Variants in ALDH1L2 observed in about 807,000 individuals in gnomAD.
The protein encoded by ALDH1L2 is aldehyde dehydrogenase 1 family member L2.
ALDH1L2 carries 91 observed loss-of-function variants against 111.0 expected under a neutral mutation model. That is an observed-to-expected ratio of 0.82 (90% CI 0.69 to 0.98). The LOEUF (loss-of-function observed/expected upper bound fraction) is 0.98, where lower values mean the gene tolerates loss of function less well. Among genes scored for constraint, ALDH1L2 ranks in the 50% least tolerant of loss-of-function variants. ALDH1L2 has a pLI of 0.00. For missense variants in ALDH1L2, 995 were observed against 1,126.8 expected (o/e 0.88, Z 1.67); for synonymous variants, 374 against 392.6 (o/e 0.95, Z 0.56).
rs1168860142 is a variant in ALDH1L2, at chr12:105,022,978, T to G, written c.*1446A>C. On this transcript the variant is annotated 3_prime_UTR_variant, in exon 23 of 23. Transcript: ENST00000258494. ...TTTCTGGCTATCTTTTGGAGACTCA[T>G]GTGATTCAGAAATTTGCCGCCTTCT... The G allele has an allele frequency of 6.6e-6, 1 of 152,232 alleles. No homozygotes were observed. Among genetic ancestry groups the G allele is most frequent in the African/African-American group, 2.4e-5 (1 of 41,454 alleles). 9.4% of individuals were successfully genotyped at this position (152,232 alleles called of 1,614,324 possible).
chr12:105,067,142 G>A (rs938634523), intron 4 of ALDH1L2, among the ~76,000 whole-genome samples: 10 of 150,232 alleles, frequency 6.7e-5, no homozygotes, highest in Non-Finnish European at 1.2e-4. Flanking sequence ...CGTGAACCCG[G>A]GAGGCAGAGC....
chr12:105,029,626 C>G (rs1183252250), intron 21 of ALDH1L2, among the ~76,000 whole-genome samples: 1 of 152,078 alleles, frequency 6.6e-6, no homozygotes, highest in Non-Finnish European at 1.5e-5. Context: ...CTCACTACAC[C>G]TTATAGTCCC....
chr12:105,045,569 A>G (rs1001712325), intron 15 of ALDH1L2, among the ~76,000 whole-genome samples: 2 of 152,132 alleles, frequency 1.3e-5, no homozygotes, highest in African/African-American at 4.8e-5. Flanking sequence ...ATAGATAACA[A>G]TCACATTGGT....
At chr12:105,034,428 A>T in intron 18 of ALDH1L2, 30 bp from the exon 19 acceptor site, 1 of 1,586,106 alleles carries the variant, frequency 6.3e-7, no homozygotes, top group Non-Finnish European at 8.6e-7. Flanking sequence ...AATATTGCTA[A>T]CATCATTTGA....
chr12:105,033,383 A>T (rs185089688), intron 19 of ALDH1L2, among the ~76,000 whole-genome samples: 1 of 152,198 alleles, frequency 6.6e-6, no homozygotes, highest in Non-Finnish European at 1.5e-5. Context: ...AGCACTGCAG[A>T]CTGTCTTTCA....
intron 3 of ALDH1L2, 161 bp downstream of exon 3, chr12:105,070,409 A>C: frequency 1.6e-6 from 1 of 628,036 alleles, no homozygotes; most frequent in South Asian, 2.0e-5. Context: ...CCCTCTGTGT[A>C]ATTAAAAAAG....
chr12:105,064,577 G>T (rs921686581), intron 6 of ALDH1L2, among the ~76,000 whole-genome samples: 1 of 152,178 alleles, frequency 6.6e-6, no homozygotes, highest in Non-Finnish European at 1.5e-5. Flanking sequence ...CCCCTAAGGA[G>T]TTCACAGTCT....
chr12:105,084,275 G>A (rs1878482390), intron 1 of ALDH1L2, 114 bp downstream of exon 1: 4 of 1,212,290 alleles, frequency 3.3e-6, no homozygotes, highest in Non-Finnish European at 4.4e-6. Context: ...TTGGTGTTTA[G>A]CAAAGTCTAA....
chr12:105,030,350 A>C lies in ALDH1L2; in HGVS notation c.2490T>G (p.Ile830Met), dbSNP rs79945575. ...YLAKEESFGP[I>M]MVISKFQNGD... ...CATTTTGGAATTTAGAAATGACCAT[A>C]ATAGGCCCAAAGGATTCCTCTTTGG... Residue 830 changes from isoleucine (I) to methionine (M), a missense_variant, in exon 21 of 23, where the codon ATT becomes ATG. Coordinates refer to ENST00000258494, the MANE Select transcript of ALDH1L2 (RefSeq NM_001034173.4). 1.2e-4 allele frequency: 189 copies of C among 1,612,760 alleles called. No homozygotes were observed. Among genetic ancestry groups the C allele is most frequent in the Non-Finnish European group, 1.6e-4 (185 of 1,179,332 alleles).
intron 18 of ALDH1L2, 121 bp downstream of exon 18, chr12:105,037,982 G>A (rs899052463): frequency 1.1e-5 from 8 of 707,986 alleles, no homozygotes; most frequent in African/African-American, 5.4e-5. Flanking sequence ...GGTCAGGCTC[G>A]TCTTGAACTC....
chr12:105,041,444 G>C (rs2136062622), intron 15 of ALDH1L2, among the ~76,000 whole-genome samples: 1 of 152,358 alleles, frequency 6.6e-6, no homozygotes, highest in South Asian at 2.1e-4. Context: ...CTGTAGAATA[G>C]TTCCAATACT....
rs1440429880 is a variant in ALDH1L2, at chr12:105,036,443, A to T, written c.2145+1660T>A. 1.8e-5 allele frequency among the ~76,000 whole-genome samples: 2 copies of T among 109,382 alleles called. 1 individual carries two copies. The highest frequency in any genetic ancestry group is 3.6e-5 in the Non-Finnish European group (2 of 55,100). The allele number at this position is 109,382 out of a possible 152,430, so 71.8% of individuals were successfully genotyped here. A position where few individuals can be genotyped will look rare whatever the true frequency, so the allele number is the denominator to read the frequency against. Reference sequence around the variant, plus strand: ...ATTTATATATGTGTATATATTATATATATCCATATATATGTGTGTGTGTAT... The same window carrying T: ...ATTTATATATGTGTATATATTATATTTATCCATATATATGTGTGTGTGTAT... On this transcript the variant is annotated intron_variant, in intron 18 of 22. Transcript: ENST00000258494.
chr12:105,039,635 A>G (rs1360638617), intron 17 of ALDH1L2, 78 bp downstream of exon 17: 1 of 1,206,504 alleles, frequency 8.3e-7, no homozygotes, highest in Non-Finnish European at 1.2e-6. Context: ...TTTCTCACTC[A>G]AAAAGTACCC....
Position 105,030,390 on chromosome 12 carries a change from T to C in ALDH1L2, c.2450A>G (p.Asp817Gly), listed in dbSNP as rs1874635382. The C allele has an allele frequency of 1.2e-6, 2 of 1,612,124 alleles. No homozygotes were observed. Among genetic ancestry groups the C allele is most frequent in the African/African-American group, 2.7e-5 (2 of 74,892 alleles). The change falls in exon 21 of 23, where the codon GAC becomes GGC. Residue 817 changes from aspartate to glycine, a missense_variant. By Grantham distance (94) the Asp-to-Gly change is moderately conservative. Transcript: ENST00000258494. ...TTCCTCTTTGGCGAGGTACATGTAG[T>C]CTTCCACATCTGTGAACACGGTCGG... ...MEPTVFTDVE[D>G]YMYLAKEESF... is the part of the protein sequence containing the mutation.
Position 105,058,167 on chromosome 12 carries a change from T to A in ALDH1L2, c.1193A>T (p.Asp398Val), listed in dbSNP as rs567380171. 6.2e-7 allele frequency: 1 copy of A among 1,612,486 alleles called. No individual in the cohort carries two copies. The highest frequency in any genetic ancestry group is 8.5e-7 in the Non-Finnish European group (1 of 1,179,440). Residue 398 changes from aspartate (D) to valine (V), a missense_variant, in exon 10 of 23, where the codon GAT (aspartate) becomes GTT (valine). Transcript: ENST00000258494. ...TTCAAACTTGGTGGCCATATAGACA[T>A]CTTCATTCTGCAACTGAAGCCCACC... Reference protein sequence around the residue: ...KCGGLQLQNEDVYMATKFEGF... With the variant: ...KCGGLQLQNEVVYMATKFEGF...
chr12:105,051,627 A>G (rs1298598343), intron 12 of ALDH1L2, among the ~76,000 whole-genome samples: 1 of 152,204 alleles, frequency 6.6e-6, no homozygotes, highest in African/African-American at 2.4e-5. Context: ...TGCAAGCAAT[A>G]CTAACATAAT....
rs934182039 is a variant in ALDH1L2 at position 105,022,884 on chromosome 12, C to A, written c.*1540G>T. The A allele has an allele frequency of 2.0e-5, 3 of 152,152 alleles. No homozygotes were observed. Among genetic ancestry groups the A allele is most frequent in the African/African-American group, 7.2e-5 (3 of 41,422 alleles). 9.4% of individuals were successfully genotyped at this position (152,152 alleles called of 1,614,324 possible). A position where few individuals can be genotyped will look rare whatever the true frequency, so the allele number is the denominator to read the frequency against. On this transcript the variant is annotated 3_prime_UTR_variant, in exon 23 of 23. Transcript: ENST00000258494. Reference sequence around the variant, plus strand: ...AAATGACAAATATTCCCTAAGGCTTCTTCAAAGCCAAAGAAAAAGGAATGT... The same window carrying A: ...AAATGACAAATATTCCCTAAGGCTTATTCAAAGCCAAAGAAAAAGGAATGT...
At chr12:105,053,111 G>A (rs73393833) in intron 10 of ALDH1L2, among the ~76,000 whole-genome samples, 180 bp from the exon 11 acceptor site, 3,558 of 152,258 alleles carry the variant, frequency 0.023, 87 homozygotes, top group African/African-American at 0.059. Context: ...TTGGCCACTG[G>A]GGCAGGAGGG....
chr12:105,058,661 G>A (rs566637947), intron 9 of ALDH1L2, among the ~76,000 whole-genome samples: 25 of 152,264 alleles, frequency 1.6e-4, no homozygotes, highest in African/African-American at 5.5e-4. Context: ...TTTGTATTAC[G>A]TAGTTAACAT....
Sources: gnomAD v4.1 joint callset for allele counts (sites outside exome capture counted in the v4.1 genomes callset) on GRCh38, gnomAD v4.1.1 for gene constraint, MANE v1.5 for transcripts, NCBI Gene and HGNC (gene_info 2026-07-23, HGNC 2026-07-21) for gene names.